The following RHOQ variants were observed in gnomAD, a reference collection of about 807,000 sequenced individuals.
The protein encoded by RHOQ is rho-related GTP-binding protein RhoQ.
In RHOQ, 7 loss-of-function variants were observed where a neutral mutation model predicts 25.8. The observed-to-expected ratio is 0.27, with a 90% CI of 0.15 to 0.51. The LOEUF (loss-of-function observed/expected upper bound fraction) is 0.51, where lower values mean the gene tolerates loss of function less well. Ranked by LOEUF, RHOQ falls within the 20% of genes least tolerant of loss-of-function variation. The pLI is 0.97. For synonymous variants in RHOQ, 97 were observed against 98.6 expected (o/e 0.98, Z 0.10); for missense variants, 165 against 260.6 (o/e 0.63, Z 2.53).
chr2:46,550,416 G>A (rs914697452), intron 2 of RHOQ, among the ~76,000 whole-genome samples: 2 of 152,176 alleles, frequency 1.3e-5, no homozygotes, highest in Non-Finnish European at 2.9e-5. Flanking sequence ...AGGCACATAG[G>A]TATGGGGCAG....
At chr2:46,544,585 A>G (rs1163618946) in intron 2 of RHOQ, among the ~76,000 whole-genome samples, 1 of 152,196 alleles carries the variant, frequency 6.6e-6, no homozygotes, top group Admixed American at 6.5e-5. Context: ...CTGTGCTTCT[A>G]AAGGGCCAAG....
At chr2:46,563,613 C>T (rs1668639239) in intron 2 of RHOQ, among the ~76,000 whole-genome samples, 1 of 152,116 alleles carries the variant, frequency 6.6e-6, no homozygotes, top group South Asian at 2.1e-4. Flanking sequence ...GTGATGGATG[C>T]ATATTGTGAA....
Position 46,584,392 on chromosome 2 carries a change from G to A in RHOQ, c.*3309G>A, listed in dbSNP as rs1669500669. ...AAAAAGCTCACTGTTAAAGTATAGGGAGAATAGTAATCCCTCATGAATCCC... is the reference window on the plus strand; with the variant it reads ...AAAAAGCTCACTGTTAAAGTATAGGAAGAATAGTAATCCCTCATGAATCCC... On this transcript the variant is annotated 3_prime_UTR_variant, in exon 5 of 5. Coordinates refer to ENST00000238738, the MANE Select transcript of RHOQ (RefSeq NM_012249.4). 6.6e-6 allele frequency among the ~76,000 whole-genome samples: 1 copy of A among 152,112 alleles called. No homozygotes were observed. The highest frequency in any genetic ancestry group is 2.4e-5 in the African/African-American group (1 of 41,426).
intron 2 of RHOQ, among the ~76,000 whole-genome samples, chr2:46,567,244 G>A (rs955547440): frequency 6.6e-6 from 1 of 152,074 alleles, no homozygotes; most frequent in Non-Finnish European, 1.5e-5. Flanking sequence ...GCACCTATTA[G>A]GTAAAATGAC....
chr2:46,546,506 ATATATG>A lies in RHOQ; in HGVS notation c.201+2700_201+2705del, dbSNP rs1558680602. On this transcript the variant is annotated intron_variant, in intron 2 of 4. Coordinates refer to ENST00000238738, the MANE Select transcript of RHOQ (RefSeq NM_012249.4). ...TATATATATATATATATATATATAT[ATATATG>A]TATATACATATATATATATACACAA... 8.4e-4 allele frequency among the ~76,000 whole-genome samples: 18 copies of A among 21,448 alleles called. 3 individuals are homozygous for A. Among genetic ancestry groups the A allele is most frequent in the South Asian group, 6.3e-3 (3 of 480 alleles). The allele number at this position is 21,448 out of a possible 152,430, so 14.1% of individuals were successfully genotyped here.
At chr2:46,570,037 A>G (rs543211616) in intron 2 of RHOQ, among the ~76,000 whole-genome samples, 2 of 152,352 alleles carry the variant, frequency 1.3e-5, no homozygotes, top group African/African-American at 4.8e-5. Context: ...GACCCAACCC[A>G]GCTTCCTTGA....
At chr2:46,546,040 G>T in intron 2 of RHOQ, among the ~76,000 whole-genome samples, 1 of 152,052 alleles carries the variant, frequency 6.6e-6, no homozygotes, top group Admixed American at 6.5e-5. Flanking sequence ...TTTTCCCAGT[G>T]TCTAGACTTT....
At position 46,551,700 on chromosome 2, in the gene RHOQ, A is replaced by G. The variant is rs73927893; in HGVS notation, c.201+7888A>G. ...GCTGTCTCTGTTCCTTTTTGAGTGA[A>G]TGGTGAGAGCACTGAAGCAGCCGCC... On this transcript the variant is annotated intron_variant, in intron 2 of 4. Transcript: ENST00000238738. Among the ~76,000 whole-genome samples the G allele has an allele frequency of 3.6e-3, 547 of 152,232 alleles. 3 individuals are homozygous for G. Among genetic ancestry groups the G allele is most frequent in the African/African-American group, 0.012 (518 of 41,532 alleles).
chr2:46,563,073 G>T (rs758873902), intron 2 of RHOQ, among the ~76,000 whole-genome samples: 2 of 152,144 alleles, frequency 1.3e-5, no homozygotes, highest in African/African-American at 4.8e-5. Flanking sequence ...ATAAATAAAA[G>T]AAACAGAAAA....
At chr2:46,568,934 C>G (rs528842021) in intron 2 of RHOQ, 11 of 152,328 alleles carry the variant, frequency 7.2e-5, no homozygotes, top group African/African-American at 2.6e-4. Context: ...AAGGAGTATA[C>G]CACATGGAAA....
chr2:46,568,641 A>G (rs1239617573), intron 2 of RHOQ: 1 of 152,204 alleles, frequency 6.6e-6, no homozygotes, highest in Non-Finnish European at 1.5e-5. Flanking sequence ...CATACAGGTC[A>G]TTGTGGCACC....
chr2:46,574,633 G>A (rs1027052029), intron 2 of RHOQ, among the ~76,000 whole-genome samples: 9 of 152,122 alleles, frequency 5.9e-5, no homozygotes, highest in Admixed American at 1.3e-4. Context: ...TTCCCCTGTC[G>A]TCATGTGATA....
intron 4 of RHOQ, among the ~76,000 whole-genome samples, chr2:46,579,421 CT>C (rs1399504730): frequency 6.6e-6 from 1 of 152,344 alleles, no homozygotes; most frequent in African/African-American, 2.4e-5. Flanking sequence ...GCCTGGACCT[CT>C]TTCCTAAATT....
At chr2:46,575,832 G>A (rs1035583153) in intron 2 of RHOQ, among the ~76,000 whole-genome samples, 27 of 152,126 alleles carry the variant, frequency 1.8e-4, no homozygotes, top group African/African-American at 6.3e-4. Context: ...GACAGCGTTA[G>A]TGATCATAAT....
rs1669364086 is a variant in RHOQ at position 46,581,374 on chromosome 2, A to G, written c.*291A>G. The G allele has an allele frequency of 1.3e-6, 2 of 1,492,286 alleles. No homozygotes were observed. Among genetic ancestry groups the G allele is most frequent in the African/African-American group, 1.4e-5 (1 of 71,150 alleles). The allele number at this position is 1,492,286 out of a possible 1,614,324, so 92.4% of individuals were successfully genotyped here. On this transcript the variant is annotated 3_prime_UTR_variant, in exon 5 of 5. Coordinates refer to ENST00000238738, the MANE Select transcript of RHOQ (RefSeq NM_012249.4). ...GCTACAATCACATCATGTTGTAACTACGTAAAAAACAGAGCTGTAAATGGA... is the reference window on the plus strand; with the variant it reads ...GCTACAATCACATCATGTTGTAACTGCGTAAAAAACAGAGCTGTAAATGGA...
intron 2 of RHOQ, among the ~76,000 whole-genome samples, chr2:46,551,986 G>A (rs967147348): frequency 2.6e-5 from 4 of 152,216 alleles, no homozygotes; most frequent in African/African-American, 9.7e-5. Context: ...CAGGCAGGCT[G>A]TCGGACTTTA....
Position 46,576,813 on chromosome 2 carries a change from TC to T in RHOQ, c.462+161del. On this transcript the variant is annotated intron_variant, in intron 4 of 4. Transcript: ENST00000238738. This position sits in a 1 kb window ranked among gnomAD's most constrained non-coding sequence, Gnocchi z 5.1. The stretch of plus-strand genomic sequence containing the variant: ...ATGAACTCAGTGAGGTAGGTCTGTT[TC>T]CCCTGTTACACAGAAGAGACAGTGG... The T allele has an allele frequency of 1.9e-6, 1 of 514,352 alleles. No individual in the cohort carries two copies. The allele number at this position is 514,352 out of a possible 1,614,324, so 31.9% of individuals were successfully genotyped here.
Position 46,569,003 on chromosome 2 carries a change from T to A in RHOQ, c.202-7084T>A, listed in dbSNP as rs1273489235. 1 of 152,260 alleles carries A rather than the reference T, an allele frequency of 6.6e-6. No individual in the cohort carries two copies. Among genetic ancestry groups the A allele is most frequent in the Non-Finnish European group, 1.5e-5 (1 of 68,052 alleles). 9.4% of individuals were successfully genotyped at this position (152,260 alleles called of 1,614,324 possible). On this transcript the variant is annotated intron_variant, in intron 2 of 4. Transcript: ENST00000238738. This position sits in a 1 kb window ranked among gnomAD's most constrained non-coding sequence, Gnocchi z 4.1. ...TTAGGCCAGCTGACCTCTGTTTTAG[T>A]GCAAGAGACTTGTAATTATAGCTCC...
In RHOQ at chr2:46,546,478, A is replaced by ATG. The variant is rs1402652501; in HGVS notation, c.201+2667_201+2668insGT. Among the ~76,000 whole-genome samples, 4 of 11,448 alleles carry ATG rather than the reference A, an allele frequency of 3.5e-4. No individual in the cohort carries two copies. In the South Asian group the frequency reaches 9.6e-3, roughly 27 times the overall value. 7.5% of individuals were successfully genotyped at this position (11,448 alleles called of 152,430 possible). Reference sequence around the variant, plus strand: ...TATATATATATATATATATATGTGTATATATATATATATATATATATATAT... The same window carrying ATG: ...TATATATATATATATATATATGTGTATGTATATATATATATATATATATATAT... On this transcript the variant is annotated intron_variant, in intron 2 of 4. Transcript: ENST00000238738.
Sources: allele counts gnomAD v4.1 joint callset (sites outside exome capture counted in the v4.1 genomes callset), GRCh38; gene constraint gnomAD v4.1.1; non-coding constraint Gnocchi (gnomAD v3.1); transcripts MANE v1.5; gene names NCBI Gene and HGNC (gene_info 2026-07-23, HGNC 2026-07-21).